Variants in RARB observed in about 807,000 individuals in gnomAD.
The protein encoded by RARB is HBV-activated protein.
Under a neutral mutation model 51.9 loss-of-function variants are expected in RARB, and 17 were observed. That is an observed-to-expected ratio of 0.33 (90% CI 0.22 to 0.49). The LOEUF is 0.49. RARB is among the 20% of genes least tolerant of loss of function. The pLI is 0.99. For synonymous variants in RARB, 215 were observed against 195.4 expected, an observed-to-expected ratio of 1.10 and a Z score of -0.84; for missense variants, 369 against 550.8, an observed-to-expected ratio of 0.67 and a Z score of 3.30.
chr3:24,936,309 C>T (rs1023025832), intron 2 of RARB, among the ~76,000 whole-genome samples: 3 of 152,116 alleles, frequency 2.0e-5, no homozygotes, highest in African/African-American at 7.2e-5. Context: ...CTAAATTTTA[C>T]ATGTTAGGGC....
chr3:24,993,792 A>G (rs989795781), intron 2 of RARB, among the ~76,000 whole-genome samples: 1 of 152,196 alleles, frequency 6.6e-6, no homozygotes, highest in Non-Finnish European at 1.5e-5. Context: ...TTCACTTAAC[A>G]TATGATCCTC....
intron 5 of RARB, among the ~76,000 whole-genome samples, chr3:25,279,680 T>C (rs1703475276): frequency 6.6e-6 from 1 of 151,080 alleles, no homozygotes; most frequent in Non-Finnish European, 1.5e-5. Flanking sequence ...TTTTGAGAAA[T>C]ATGGTGGATG....
chr3:24,913,206 G>A lies in RARB; in HGVS notation c.-380+54454G>A, dbSNP rs140502250. On this transcript the variant is annotated intron_variant, in intron 2 of 11. Coordinates refer to the RARB transcript ENST00000383772. ...TCACTGTGTTAGCCACGATGGTCTC[G>A]ATCTCCTGACCTCCTGATCTGCCCA... Among the ~76,000 whole-genome samples, 383 of 151,412 alleles carry A rather than the reference G, an allele frequency of 2.5e-3. 6 individuals are homozygous for A. The East Asian group carries it at 0.046, about 18-fold the overall frequency.
chr3:25,062,425 A>C (rs1698568595), intron 3 of RARB, among the ~76,000 whole-genome samples: 1 of 151,942 alleles, frequency 6.6e-6, no homozygotes, highest in Non-Finnish European at 1.5e-5. Flanking sequence ...ACCAGTATCT[A>C]TTAAAACTTT....
At chr3:25,111,828 C>T (rs1044444867) in intron 3 of RARB, among the ~76,000 whole-genome samples, 1 of 152,076 alleles carries the variant, frequency 6.6e-6, no homozygotes, top group African/African-American at 2.4e-5. Flanking sequence ...CCGCCTGCCT[C>T]AGCCCCCAAA....
At chr3:25,424,708 A>G (rs1326396066), upstream of RARB, among the ~76,000 whole-genome samples, 3 of 152,084 alleles carry the variant, frequency 2.0e-5, no homozygotes, top group East Asian at 5.8e-4. Flanking sequence ...GCCTCTGAAA[A>G]TCTTCTTATT....
intron 3 of RARB, among the ~76,000 whole-genome samples, chr3:25,071,895 A>C (rs980280375): frequency 1.3e-5 from 2 of 152,200 alleles, no homozygotes. Flanking sequence ...AAAGCTTCCC[A>C]AAGATGCTTG....
At chr3:24,978,349 C>G (rs561279260) in intron 2 of RARB, among the ~76,000 whole-genome samples, 12 of 152,120 alleles carry the variant, frequency 7.9e-5, no homozygotes, top group African/African-American at 2.7e-4. Context: ...CTTTTTGTAC[C>G]TCTGGTAGAA....
chr3:25,107,561 G>A (rs9812860), intron 3 of RARB, among the ~76,000 whole-genome samples: 171 of 152,162 alleles, frequency 1.1e-3, no homozygotes, highest in African/African-American at 4.0e-3. Context: ...CCTCATCCAC[G>A]AGTGATATAT....
intron 3 of RARB, among the ~76,000 whole-genome samples, chr3:25,120,565 A>G (rs1391555191): frequency 2.2e-5 from 1 of 45,718 alleles, no homozygotes; most frequent in East Asian, 6.5e-4. Flanking sequence ...CTCTCTCTCG[A>G]TATGCCTATT....
intron 2 of RARB, among the ~76,000 whole-genome samples, chr3:24,900,249 A>G (rs889308474): frequency 1.3e-5 from 2 of 152,112 alleles, no homozygotes; most frequent in African/African-American, 4.8e-5. Context: ...TTTAGGATGA[A>G]GGTGGTCAGA....
At chr3:25,396,392 A>T (rs754231219) in intron 5 of RARB, among the ~76,000 whole-genome samples, 5 of 152,224 alleles carry the variant, frequency 3.3e-5, no homozygotes, top group Admixed American at 6.5e-5. Context: ...CCAGGATGTT[A>T]CAGGCAGTGG....
chr3:24,970,064 A>G (rs960566355), intron 2 of RARB, among the ~76,000 whole-genome samples: 4 of 152,072 alleles, frequency 2.6e-5, no homozygotes, highest in African/African-American at 7.2e-5. Context: ...TGTGTGGGCT[A>G]TAAGGTCTCT....
At chr3:24,937,479 A>G (rs1024946605) in intron 2 of RARB, among the ~76,000 whole-genome samples, 1 of 152,192 alleles carries the variant, frequency 6.6e-6, no homozygotes, top group Admixed American at 6.5e-5. Flanking sequence ...CCCCACCCAC[A>G]TGTACATATG....
At chr3:24,974,333 T>C (rs894765492) in intron 2 of RARB, among the ~76,000 whole-genome samples, 1 of 152,166 alleles carries the variant, frequency 6.6e-6, no homozygotes, top group Non-Finnish European at 1.5e-5. Flanking sequence ...GAATTTAGTT[T>C]GCCTAGTATT....
intron 3 of RARB, among the ~76,000 whole-genome samples, chr3:25,514,311 C>T (rs958577795): frequency 6.6e-6 from 1 of 152,148 alleles, no homozygotes; most frequent in Non-Finnish European, 1.5e-5. Flanking sequence ...TTCTTTCATC[C>T]TTCTCCCTTT....
chr3:25,282,784 G>C (rs1174809407), intron 5 of RARB, among the ~76,000 whole-genome samples: 1 of 152,104 alleles, frequency 6.6e-6, no homozygotes, highest in South Asian at 2.1e-4. Context: ...CACCCACTGG[G>C]ACTGCTCACC....
chr3:25,242,655 C>G (rs558278931), intron 5 of RARB, among the ~76,000 whole-genome samples: 60 of 152,098 alleles, frequency 3.9e-4, no homozygotes, highest in African/African-American at 1.4e-3. Flanking sequence ...CTGTTCTGTT[C>G]CATTGGTCTA....
At chr3:25,206,236 C>T (rs1701542554) in intron 5 of RARB, among the ~76,000 whole-genome samples, 1 of 152,136 alleles carries the variant, frequency 6.6e-6, no homozygotes, top group Admixed American at 6.5e-5. Flanking sequence ...GTTGCCCATG[C>T]AGTTTAAAAC....
Sources: gnomAD v4.1 joint callset for allele counts (sites outside exome capture counted in the v4.1 genomes callset) on GRCh38, gnomAD v4.1.1 for gene constraint, MANE v1.5 for transcripts, NCBI Gene and HGNC (gene_info 2026-07-23, HGNC 2026-07-21) for gene names.